TDRD3: variants seen among roughly 807,000 people sequenced by gnomAD.
TDRD3 encodes tudor domain-containing protein 3.
In TDRD3, 45 loss-of-function variants were observed where a neutral mutation model predicts 86.7. That is an observed-to-expected ratio of 0.52 (90% CI 0.41 to 0.67). The LOEUF (loss-of-function observed/expected upper bound fraction) is 0.67, where lower values mean the gene tolerates loss of function less well. Among genes scored for constraint, TDRD3 ranks in the 30% least tolerant of loss-of-function variants. The probability of loss-of-function intolerance (pLI) is 0.00; values close to 1 mark genes in which losing one functional copy is unlikely to be tolerated. For missense variants in TDRD3, 814 were observed against 889.0 expected (o/e 0.92, Z 1.07); for synonymous variants, 298 against 301.7 (o/e 0.99, Z 0.13).
chr13:60,443,298 T>C (rs1379486053), intron 2 of TDRD3, among the ~76,000 whole-genome samples: 1 of 152,020 alleles, frequency 6.6e-6, no homozygotes, highest in Admixed American at 6.6e-5. Flanking sequence ...TTCAGTACTT[T>C]CCAAGTGAAA....
At chr13:60,475,252 C>A (rs1185232422) in intron 5 of TDRD3, among the ~76,000 whole-genome samples, 1 of 152,102 alleles carries the variant, frequency 6.6e-6, no homozygotes, top group Non-Finnish European at 1.5e-5. Flanking sequence ...ACCCTTCTCC[C>A]TTAAGCAGTC....
chr13:60,407,571 G>C (rs967563749), intron 1 of TDRD3, among the ~76,000 whole-genome samples: 13 of 152,076 alleles, frequency 8.5e-5, no homozygotes, highest in Admixed American at 2.0e-4. Flanking sequence ...TGATAATGAA[G>C]ATAATACACT....
At chr13:60,400,589 T>C (rs1954066741) in intron 1 of TDRD3, among the ~76,000 whole-genome samples, 1 of 151,954 alleles carries the variant, frequency 6.6e-6, no homozygotes, top group South Asian at 2.1e-4. Context: ...ACAAAAAAAT[T>C]AGCCAGGCGT....
At chr13:60,490,417 C>T (rs75397803) in intron 7 of TDRD3, among the ~76,000 whole-genome samples, 2,525 of 152,096 alleles carry the variant, frequency 0.017, 25 homozygotes, top group Middle Eastern at 0.048. Flanking sequence ...GCGGAGTGGC[C>T]AGTGGAAGCA....
chr13:60,526,349 G>C (rs1957431825), intron 10 of TDRD3, among the ~76,000 whole-genome samples: 1 of 152,142 alleles, frequency 6.6e-6, no homozygotes, highest in African/African-American at 2.4e-5. Flanking sequence ...GTAATACATA[G>C]CAGATAATCA....
At chr13:60,507,171 C>G (rs1956957003) in intron 8 of TDRD3, among the ~76,000 whole-genome samples, 1 of 152,044 alleles carries the variant, frequency 6.6e-6, no homozygotes, top group Admixed American at 6.5e-5. Flanking sequence ...TATATGCACC[C>G]AATACAGGAG....
At chr13:60,449,739 G>A (rs1362568478) in intron 3 of TDRD3, among the ~76,000 whole-genome samples, 2 of 151,968 alleles carry the variant, frequency 1.3e-5, no homozygotes, top group East Asian at 3.9e-4. Context: ...CTAAGGGGTA[G>A]ATCTTCTAGT....
chr13:60,495,392 AG>A (rs1228291701), intron 8 of TDRD3, among the ~76,000 whole-genome samples: 1 of 152,188 alleles, frequency 6.6e-6, no homozygotes, highest in African/African-American at 2.4e-5. Flanking sequence ...TAATTCATGC[AG>A]AGCCAGCTAT....
intron 12 of TDRD3, among the ~76,000 whole-genome samples, chr13:60,552,879 C>G (rs1183218649): frequency 6.6e-6 from 1 of 152,224 alleles, no homozygotes; most frequent in Non-Finnish European, 1.5e-5. Context: ...ATGGCTGGAG[C>G]TGGGGTGGCT....
chr13:60,516,259 A>G (rs1420505724), intron 10 of TDRD3, among the ~76,000 whole-genome samples: 1 of 152,218 alleles, frequency 6.6e-6, no homozygotes, highest in Non-Finnish European at 1.5e-5. Flanking sequence ...GCTTGGATGG[A>G]CTTGTTATGT....
At chr13:60,433,091 T>C (rs1001933157) in intron 1 of TDRD3, among the ~76,000 whole-genome samples, 15 of 152,342 alleles carry the variant, frequency 9.8e-5, no homozygotes, top group Non-Finnish European at 1.9e-4. Context: ...GGTTTTCTCA[T>C]TGGCATTTTA....
Position 60,532,367 on chromosome 13 carries a change from C to T in TDRD3, c.1993-2741C>T, listed in dbSNP as rs139152838. On this transcript the variant is annotated intron_variant, in intron 11 of 13. Coordinates refer to ENST00000377881, the MANE Select transcript of TDRD3 (RefSeq NM_001146070.2). ...GGAACTGTGGACTCTAAATAGATTA[C>T]ACCACCCTTAACCATTGGGAAAAAG... is the stretch of plus-strand genomic sequence containing the variant. Among the ~76,000 whole-genome samples the T allele has an allele frequency of 7.8e-3, 1,182 of 152,204 alleles. 16 individuals are homozygous for T. The highest frequency in any genetic ancestry group is 0.027 in the African/African-American group (1,120 of 41,532).
Position 60,519,930 on chromosome 13 carries a change from A to G in TDRD3, c.1142-8437A>G, listed in dbSNP as rs79434866. 1.3e-4 allele frequency among the ~76,000 whole-genome samples: 20 copies of G among 152,326 alleles called. No homozygotes were observed. The East Asian group carries it at 1.3e-3, about 10-fold the overall frequency. On this transcript the variant is annotated intron_variant, in intron 10 of 13. Coordinates refer to ENST00000377881, the MANE Select transcript of TDRD3 (RefSeq NM_001146070.2). ...ATTTTACATGGGACTAAACAGGGCA[A>G]TCTTTGCAGTTGTATTGTTGGTGTG...
chr13:60,397,446 G>C, intron 1 of TDRD3, 41 bp downstream of exon 1: 1 of 1,473,212 alleles, frequency 6.8e-7, no homozygotes, highest in Non-Finnish European at 9.0e-7. Flanking sequence ...CGCGGGTGCG[G>C]GCCGGGGCCC....
intron 1 of TDRD3, among the ~76,000 whole-genome samples, chr13:60,433,762 GTGC>G (rs1955013172): frequency 6.6e-6 from 1 of 152,176 alleles, no homozygotes; most frequent in Admixed American, 6.5e-5. Context: ...ACTAGTCCTC[GTGC>G]AGACATGGCT....
chr13:60,446,507 G>A (rs1236737248), intron 3 of TDRD3, among the ~76,000 whole-genome samples: 4 of 152,088 alleles, frequency 2.6e-5, no homozygotes, highest in Admixed American at 2.6e-4. Context: ...GATTACAGGT[G>A]TGAGCCACTG....
At chr13:60,486,745 C>T (rs1956447284) in intron 7 of TDRD3, among the ~76,000 whole-genome samples, 1 of 152,062 alleles carries the variant, frequency 6.6e-6, no homozygotes, top group Non-Finnish European at 1.5e-5. Context: ...ATTAATCAAC[C>T]TCTCCCACTG....
intron 12 of TDRD3, chr13:60,538,110 T>C (rs1957736558): frequency 6.6e-6 from 1 of 152,074 alleles, no homozygotes; most frequent in Non-Finnish European, 1.5e-5. Flanking sequence ...AATGTTTTTC[T>C]CATGAAATTT....
In TDRD3 at chr13:60,397,314, C is replaced by A; in HGVS notation, c.-51C>A. Reference sequence around the variant, plus strand: ...GGGGGGGGTCTCAAGTAGGAGGCCTCCCCATCACCCCCACCCCAGCCCCCC... The same window carrying A: ...GGGGGGGGTCTCAAGTAGGAGGCCTACCCATCACCCCCACCCCAGCCCCCC... On this transcript the variant is annotated 5_prime_UTR_variant, in exon 1 of 14. Transcript: ENST00000377881. 35 of 1,000,028 alleles carry A rather than the reference C, an allele frequency of 3.5e-5. No homozygotes were observed. Among genetic ancestry groups the A allele is most frequent in the African/African-American group, 5.1e-5 (3 of 58,990 alleles). The allele number at this position is 1,000,028 out of a possible 1,614,324, so 61.9% of individuals were successfully genotyped here.
Sources: gnomAD v4.1 joint callset for allele counts (sites outside exome capture counted in the v4.1 genomes callset) on GRCh38, gnomAD v4.1.1 for gene constraint, MANE v1.5 for transcripts, NCBI Gene and HGNC (gene_info 2026-07-23, HGNC 2026-07-21) for gene names.